The following EML6 variants were observed in gnomAD, a reference collection of about 807,000 sequenced individuals.
EML6 encodes the protein echinoderm microtubule-associated protein-like 6.
Under a neutral mutation model 240.1 loss-of-function variants are expected in EML6, and 154 were observed. That is an observed-to-expected ratio of 0.64 (90% CI 0.56 to 0.73). EML6 has a LOEUF of 0.73. EML6 is among the 30% of genes least tolerant of loss of function. EML6 has a pLI of 0.00. For missense variants in EML6, 2,964 were observed against 2,474.6 expected, an observed-to-expected ratio of 1.20 and a Z score of -4.20; for synonymous variants, 1,148 against 899.0, an observed-to-expected ratio of 1.28 and a Z score of -4.95.
chr2:54,734,512 T>TA (rs1427378952), intron 2 of EML6, among the ~76,000 whole-genome samples: 1 of 152,198 alleles, frequency 6.6e-6, no homozygotes, highest in Non-Finnish European at 1.5e-5. Context: ...AAGGGTTTTT[T>TA]ATCCCCTGCT....
chr2:54,886,670 T>C (rs921391242), intron 17 of EML6, among the ~76,000 whole-genome samples: 17 of 152,240 alleles, frequency 1.1e-4, no homozygotes, highest in African/African-American at 3.6e-4. Flanking sequence ...TATCTCATTA[T>C]GGTTTTCCTA....
rs186040987 is a variant in EML6, at chr2:54,860,003, G to A, written c.1825+302G>A. 8.9e-4 allele frequency among the ~76,000 whole-genome samples: 135 copies of A among 152,280 alleles called. 1 individual carries two copies. Among genetic ancestry groups the A allele is most frequent in the African/African-American group, 2.8e-3 (118 of 41,560 alleles). ...CACTCATGGACACCAAATACACATT[G>A]ATTCGCAGGTCCATTCTCTCTGAGA... On this transcript the variant is annotated intron_variant, in intron 12 of 41. Transcript: ENST00000356458.
intron 5 of EML6, among the ~76,000 whole-genome samples, chr2:54,824,370 T>G (rs529555240): frequency 6.6e-6 from 1 of 152,218 alleles, no homozygotes. Flanking sequence ...AGCAATACTT[T>G]ATTAATTTTG....
At chr2:54,944,716 G>T (rs1675592849) in intron 28 of EML6, among the ~76,000 whole-genome samples, 2 of 152,058 alleles carry the variant, frequency 1.3e-5, no homozygotes, top group African/African-American at 4.8e-5. Flanking sequence ...CTTCTTTCAG[G>T]ACATCCTGCA....
chr2:54,844,201 C>A lies in EML6; in HGVS notation c.1002C>A (p.His334Gln). ...CEGELWALAL[H>Q]PKKPLAVTGS... is the part of the protein sequence containing the mutation. ...GTGAGCTCTGGGCTCTGGCCCTGCA[C>A]CCCAAGAAGCCTCTGGCTGTGACAG... The change falls in exon 8 of 42, where the codon CAC (histidine) becomes CAA (glutamine). Residue 334 changes from histidine (H) to glutamine (Q), a missense_variant. Physicochemically the swap from His to Gln is conservative, Grantham distance 24. Transcript: ENST00000356458. 6.4e-7 allele frequency: 1 copy of A among 1,551,682 alleles called. No homozygotes were observed. The highest frequency in any genetic ancestry group is 2.4e-5 in the East Asian group (1 of 40,902).
intron 2 of EML6, among the ~76,000 whole-genome samples, chr2:54,737,186 G>A (rs142359514): frequency 5.9e-4 from 90 of 152,340 alleles, no homozygotes; most frequent in Non-Finnish European, 1.2e-3. Context: ...TATCTTAGAA[G>A]ATGTGTGCTG....
At chr2:54,914,328 C>G (rs1221839471) in intron 25 of EML6, among the ~76,000 whole-genome samples, 1 of 152,174 alleles carries the variant, frequency 6.6e-6, no homozygotes. Context: ...ACCATGAAGC[C>G]TCTCAATTTC....
chr2:54,931,610 G>T (rs970787773), intron 28 of EML6, among the ~76,000 whole-genome samples: 14 of 152,156 alleles, frequency 9.2e-5, no homozygotes, highest in African/African-American at 3.1e-4. Context: ...GTTTTCCTTG[G>T]TGTTCCCGTC....
chr2:54,926,835 A>G (rs1674573876), intron 26 of EML6, among the ~76,000 whole-genome samples: 1 of 152,002 alleles, frequency 6.6e-6, no homozygotes, highest in Non-Finnish European at 1.5e-5. Flanking sequence ...CTCATCCCTT[A>G]GAGTCTGTTT....
intron 2 of EML6, among the ~76,000 whole-genome samples, chr2:54,802,677 A>G (rs866704522): frequency 6.3e-5 from 9 of 142,808 alleles, no homozygotes; most frequent in Admixed American, 7.0e-5. Flanking sequence ...TGCTACTACT[A>G]CTACTACCAA....
chr2:54,855,533 A>G (rs1358123475), intron 11 of EML6, among the ~76,000 whole-genome samples: 1 of 145,314 alleles, frequency 6.9e-6, no homozygotes, highest in Non-Finnish European at 1.5e-5. Flanking sequence ...TCCAAACTAT[A>G]TTACAGAGGG....
intron 2 of EML6, among the ~76,000 whole-genome samples, chr2:54,763,153 T>C (rs1668049693): frequency 6.6e-6 from 1 of 152,208 alleles, no homozygotes; most frequent in African/African-American, 2.4e-5. Context: ...ATAAAATAGT[T>C]TCAGGATTGT....
At chr2:54,943,358 G>C (rs1675526371) in intron 28 of EML6, among the ~76,000 whole-genome samples, 1 of 151,976 alleles carries the variant, frequency 6.6e-6, no homozygotes, top group Admixed American at 6.6e-5. Context: ...TGTGTCTCCT[G>C]TGTCACTCTC....
chr2:54,876,737 G>A (rs991767356), intron 16 of EML6, among the ~76,000 whole-genome samples: 1 of 152,122 alleles, frequency 6.6e-6, no homozygotes, highest in Non-Finnish European at 1.5e-5. Flanking sequence ...AATGTTTACA[G>A]GGTAGAATGT....
intron 24 of EML6, among the ~76,000 whole-genome samples, chr2:54,905,780 A>T (rs1394672882): frequency 6.6e-6 from 1 of 152,216 alleles, no homozygotes; most frequent in Non-Finnish European, 1.5e-5. Flanking sequence ...GTGGAAGCAT[A>T]CAGTATTTGT....
At chr2:54,907,772 T>C (rs1673397257) in intron 24 of EML6, among the ~76,000 whole-genome samples, 1 of 152,216 alleles carries the variant, frequency 6.6e-6, no homozygotes, top group African/African-American at 2.4e-5. Context: ...AATAAAAATG[T>C]GATTCTGAAA....
intron 2 of EML6, among the ~76,000 whole-genome samples, chr2:54,779,423 G>A (rs1042075754): frequency 6.6e-6 from 1 of 151,836 alleles, no homozygotes; most frequent in Admixed American, 6.6e-5. Flanking sequence ...GCGGGTGCCT[G>A]TAATCTCAGC....
chr2:54,867,374 T>A (rs752411768), intron 14 of EML6: 1 of 152,888 alleles, frequency 6.5e-6, no homozygotes, highest in Non-Finnish European at 1.5e-5. Flanking sequence ...TTTAAATGGC[T>A]GAGAAGATAC....
intron 2 of EML6, among the ~76,000 whole-genome samples, chr2:54,797,876 C>G (rs982151324): frequency 2.6e-5 from 4 of 152,040 alleles, no homozygotes; most frequent in Admixed American, 6.6e-5. Context: ...GCCAATAGCA[C>G]ATTGTCTTAA....
Sources: gnomAD v4.1 joint callset for allele counts (sites outside exome capture counted in the v4.1 genomes callset) on GRCh38, gnomAD v4.1.1 for gene constraint, MANE v1.5 for transcripts, NCBI Gene and HGNC (gene_info 2026-07-23, HGNC 2026-07-21) for gene names.